SMARCA2: variants seen among roughly 807,000 people sequenced by gnomAD.
SMARCA2 encodes the protein SWI/SNF-related matrix-associated actin-dependent regulator of chromatin subfamily A member 2.
SMARCA2 carries 61 observed loss-of-function variants against 199.8 expected under a neutral mutation model. The ratio of observed to expected loss-of-function variants is 0.31; its 90% CI spans 0.25 to 0.38. The LOEUF (loss-of-function observed/expected upper bound fraction) is 0.38, where lower values mean the gene tolerates loss of function less well. Among genes scored for constraint, SMARCA2 ranks in the 10% least tolerant of loss-of-function variants. The probability of loss-of-function intolerance (pLI) is 1.00; values close to 1 mark genes in which losing one functional copy is unlikely to be tolerated. For synonymous variants in SMARCA2, 935 were observed against 732.0 expected (o/e 1.28, Z -4.48); for missense variants, 1,344 against 2,012.2 (o/e 0.67, Z 6.35).
At chr9:2,159,952 C>T (rs770415816) in intron 27 of SMARCA2, 51 of 1,580,754 alleles carry the variant, frequency 3.2e-5, no homozygotes, top group Non-Finnish European at 4.2e-5. Flanking sequence ...TTCAGTAGAA[C>T]TACATCCCAG....
intron 9 of SMARCA2, among the ~76,000 whole-genome samples, chr9:2,063,725 T>A (rs1441406298): frequency 8.4e-6 from 1 of 119,676 alleles, no homozygotes; most frequent in Admixed American, 1.0e-4. Flanking sequence ...ATTTTCAGCG[T>A]TAAACTAGTG....
chr9:2,061,683 T>C (rs1197186135), intron 9 of SMARCA2, among the ~76,000 whole-genome samples: 1 of 152,252 alleles, frequency 6.6e-6, no homozygotes, highest in Non-Finnish European at 1.5e-5. Context: ...TGGTTGATAC[T>C]GTGTGTTCAT....
At chr9:2,053,959 T>C (rs752037512) in intron 5 of SMARCA2, among the ~76,000 whole-genome samples, 8 of 152,246 alleles carry the variant, frequency 5.3e-5, no homozygotes, top group South Asian at 4.1e-4. Context: ...TACTATTTAC[T>C]GCTGGCCCTG....
intron 27 of SMARCA2, chr9:2,158,867 C>T: frequency 7.1e-7 from 1 of 1,416,252 alleles, no homozygotes; most frequent in South Asian, 1.4e-5. Flanking sequence ...CCTTAGAAAT[C>T]ACAGAACATA....
At chr9:2,178,336 G>A (rs1032420700) in intron 29 of SMARCA2, among the ~76,000 whole-genome samples, 4 of 152,114 alleles carry the variant, frequency 2.6e-5, no homozygotes, top group Admixed American at 6.5e-5. Context: ...AGATCATTAC[G>A]TAAAATCCAT....
chr9:2,186,474 C>A (rs534764855), intron 32 of SMARCA2, among the ~76,000 whole-genome samples: 1 of 152,094 alleles, frequency 6.6e-6, no homozygotes, highest in Admixed American at 6.5e-5. Flanking sequence ...ATAGGCTGGG[C>A]TCCTAGCAAA....
At chr9:2,182,059 A>G in intron 30 of SMARCA2, 82 bp from the exon 31 acceptor site, 1 of 921,308 alleles carries the variant, frequency 1.1e-6, no homozygotes, top group Non-Finnish European at 1.8e-6. Context: ...CAAAGGGAAA[A>G]TCAGGCTTTG....
chr9:2,109,412 G>T (rs1822893652), intron 23 of SMARCA2, among the ~76,000 whole-genome samples: 1 of 151,958 alleles, frequency 6.6e-6, no homozygotes, highest in South Asian at 2.1e-4. Flanking sequence ...ATGTGATTGA[G>T]TGGCTCATCT....
chr9:2,031,500 T>C (rs1446926883), intron 2 of SMARCA2, among the ~76,000 whole-genome samples: 1 of 152,236 alleles, frequency 6.6e-6, no homozygotes, highest in East Asian at 1.9e-4. Flanking sequence ...CTAAACTTTA[T>C]TGTTCTTTAG....
chr9:2,076,710 A>G (rs1056510519), intron 13 of SMARCA2, among the ~76,000 whole-genome samples: 1 of 151,766 alleles, frequency 6.6e-6, no homozygotes, highest in Non-Finnish European at 1.5e-5. Context: ...GCCTCCCTTA[A>G]TGATATCAGC....
rs1819532294 is a variant in SMARCA2, at chr9:2,039,964, C to G, written c.790+64C>G. The G allele has an allele frequency of 1.3e-6, 2 of 1,587,414 alleles. No individual in the cohort carries two copies. The highest frequency in any genetic ancestry group is 1.7e-5 in the Admixed American group (1 of 59,162). Reference sequence around the variant, plus strand: ...CAACTCGGATAACAAAGACTGCTCACCAAAACACCGGGTTGTTAAAAGCCC... The same window carrying G: ...CAACTCGGATAACAAAGACTGCTCAGCAAAACACCGGGTTGTTAAAAGCCC... On this transcript the variant is annotated intron_variant, in intron 4 of 33. Coordinates refer to ENST00000349721, the MANE Select transcript of SMARCA2 (RefSeq NM_003070.5). This position sits in a 1 kb window ranked among gnomAD's most constrained non-coding sequence, Gnocchi z 4.8.
chr9:2,032,737 C>A lies in SMARCA2; in HGVS notation c.226-215C>A. The A allele has an allele frequency of 5.0e-6, 2 of 400,390 alleles. 1 individual carries two copies. Among genetic ancestry groups the A allele is most frequent in the South Asian group, 9.9e-5 (2 of 20,170 alleles). 24.8% of individuals were successfully genotyped at this position (400,390 alleles called of 1,614,324 possible). A position where few individuals can be genotyped will look rare whatever the true frequency, so the allele number is the denominator to read the frequency against. ...TACAAAAAACAAACAAACAAACAAA[C>A]AAACAAAAAAACAACCCTCCACTGT... On this transcript the variant is annotated intron_variant, in intron 2 of 33. Transcript: ENST00000349721.
intron 27 of SMARCA2, among the ~76,000 whole-genome samples, chr9:2,144,061 G>T (rs1195103360): frequency 6.6e-6 from 1 of 151,998 alleles, no homozygotes; most frequent in Non-Finnish European, 1.5e-5. Context: ...TCATAGGGGA[G>T]CCGGGAGATG....
At chr9:2,167,786 C>T (rs1826007494) in intron 28 of SMARCA2, among the ~76,000 whole-genome samples, 1 of 152,166 alleles carries the variant, frequency 6.6e-6, no homozygotes, top group Admixed American at 6.5e-5. Context: ...ATTTCCAGGA[C>T]TGTACTCTTG....
At chr9:2,076,819 C>T (rs900440503) in intron 13 of SMARCA2, among the ~76,000 whole-genome samples, 2 of 152,158 alleles carry the variant, frequency 1.3e-5, no homozygotes, top group Non-Finnish European at 2.9e-5. Flanking sequence ...TGAACCCTCT[C>T]CAGCCCTCCG....
intron 14 of SMARCA2, among the ~76,000 whole-genome samples, chr9:2,078,624 A>G (rs1340181841): frequency 6.6e-6 from 1 of 152,042 alleles, no homozygotes; most frequent in African/African-American, 2.4e-5. Flanking sequence ...TCCATGAGAC[A>G]TTTGTTCTAT....
In SMARCA2 at chr9:2,017,452, C is replaced by G. The variant is rs1330090226; in HGVS notation, c.-37+2048C>G. 2 of 152,072 alleles carry G rather than the reference C, an allele frequency of 1.3e-5. No homozygotes were observed. Among genetic ancestry groups the G allele is most frequent in the Non-Finnish European group, 2.9e-5 (2 of 68,128 alleles). 9.4% of individuals were successfully genotyped at this position (152,072 alleles called of 1,614,324 possible). ...AGTGCGTCGGGAGCAGCGGCTCGGG[C>G]AGCTGCTCCTGCCCGCACCCTCCCC... On this transcript the variant is annotated intron_variant, in intron 1 of 33. Transcript: ENST00000349721. This position sits in a 1 kb window ranked among gnomAD's most constrained non-coding sequence, Gnocchi z 8.8.
At chr9:2,159,062 G>A in intron 27 of SMARCA2, 1 of 1,520,518 alleles carries the variant, frequency 6.6e-7, no homozygotes, top group Non-Finnish European at 9.0e-7. Context: ...AATAAAAATT[G>A]TTTCAGTTGT....
chr9:2,091,356 T>G (rs1245371126), intron 19 of SMARCA2, among the ~76,000 whole-genome samples: 4 of 152,226 alleles, frequency 2.6e-5, no homozygotes, highest in Admixed American at 6.5e-5. Flanking sequence ...GTCGTATGAG[T>G]AGAATAAGAC....
Sources: allele counts gnomAD v4.1 joint callset (sites outside exome capture counted in the v4.1 genomes callset), GRCh38; gene constraint gnomAD v4.1.1; non-coding constraint Gnocchi (gnomAD v3.1); transcripts MANE v1.5; gene names NCBI Gene and HGNC (gene_info 2026-07-23, HGNC 2026-07-21).